Variants in TAF3 observed in about 807,000 individuals in gnomAD.
TAF3 encodes the protein TATA-box binding protein associated factor 3, also known as transcription initiation factor TFIID subunit 3.
In TAF3, 7 loss-of-function variants were observed where a neutral mutation model predicts 80.6. That is an observed-to-expected ratio of 0.09 (90% confidence interval 0.05 to 0.16). The LOEUF is 0.16. Ranked by LOEUF, TAF3 falls within the 10% of genes least tolerant of loss-of-function variation. TAF3 has a pLI of 1.00. For synonymous variants in TAF3, 444 were observed against 446.1 expected, an observed-to-expected ratio of 1.00 and a Z score of 0.06; for missense variants, 921 against 1,140.2, an observed-to-expected ratio of 0.81 and a Z score of 2.77.
chr10:8,015,119 C>A lies in TAF3; in HGVS notation c.*368C>A, dbSNP rs1832092293. 5.9e-6 allele frequency: 1 copy of A among 168,116 alleles called. No individual in the cohort carries two copies. 10.4% of individuals were successfully genotyped at this position (168,116 alleles called of 1,614,324 possible). On this transcript the variant is annotated 3_prime_UTR_variant, in exon 7 of 7. Coordinates refer to ENST00000344293, the MANE Select transcript of TAF3 (RefSeq NM_031923.4). ...AGGTATTAGATGAGAAGATAATGTA[C>A]AAACTGCCTCAACTGTAATTTAAGG...
intron 2 of TAF3, among the ~76,000 whole-genome samples, chr10:7,852,468 G>T (rs1837037656): frequency 6.6e-6 from 1 of 152,072 alleles, no homozygotes; most frequent in African/African-American, 2.4e-5. Context: ...AAACTGCGTT[G>T]TTTGTCCTGT....
At chr10:7,863,590 C>A (rs1204564423) in intron 2 of TAF3, among the ~76,000 whole-genome samples, 33 of 120,586 alleles carry the variant, frequency 2.7e-4, no homozygotes, top group East Asian at 2.5e-4. Context: ...AGCCTGATGA[C>A]CAGAGCAAAA....
intron 2 of TAF3, among the ~76,000 whole-genome samples, chr10:7,933,692 C>G (rs892386723): frequency 6.6e-6 from 1 of 152,280 alleles, no homozygotes; most frequent in South Asian, 2.1e-4. Context: ...TCATAGGTCT[C>G]TAGTGATGAT....
chr10:7,842,535 A>T (rs1836928983), intron 2 of TAF3, among the ~76,000 whole-genome samples: 2 of 152,170 alleles, frequency 1.3e-5, no homozygotes, highest in Non-Finnish European at 2.9e-5. Context: ...GTTCTAAAAG[A>T]TTAAACAATA....
intron 2 of TAF3, among the ~76,000 whole-genome samples, chr10:7,881,057 G>A (rs1219810563): frequency 6.6e-6 from 1 of 152,076 alleles, no homozygotes; most frequent in Non-Finnish European, 1.5e-5. Flanking sequence ...GCACCATGGG[G>A]AAGCCCCGTC....
At chr10:7,846,022 A>G (rs940259480) in intron 2 of TAF3, among the ~76,000 whole-genome samples, 13 of 147,020 alleles carry the variant, frequency 8.8e-5, no homozygotes, top group South Asian at 2.2e-4. Context: ...GCAGTGGCGC[A>G]ATCTCGGCTC....
chr10:7,823,884 C>T (rs1182296636), intron 1 of TAF3, among the ~76,000 whole-genome samples: 3 of 151,568 alleles, frequency 2.0e-5, no homozygotes, highest in Non-Finnish European at 4.4e-5. Flanking sequence ...CCGCCCACCT[C>T]GGCCTCTCAG....
intron 2 of TAF3, among the ~76,000 whole-genome samples, chr10:7,876,802 C>G (rs1350498211): frequency 2.0e-5 from 3 of 152,148 alleles, no homozygotes; most frequent in Admixed American, 6.5e-5. Flanking sequence ...TCTATTAAAA[C>G]TATTTTTCCT....
At chr10:7,836,990 G>A (rs557139640) in intron 2 of TAF3, among the ~76,000 whole-genome samples, 1 of 152,230 alleles carries the variant, frequency 6.6e-6, no homozygotes, top group Non-Finnish European at 1.5e-5. Context: ...CACTTGGGAG[G>A]CCAAGGCAGG....
At chr10:7,847,226 C>CTT (rs1836980859) in intron 2 of TAF3, among the ~76,000 whole-genome samples, 2 of 152,100 alleles carry the variant, frequency 1.3e-5, no homozygotes, top group Admixed American at 1.3e-4. Context: ...TCTAGGATGA[C>CTT]ATCTGATAAT....
intron 2 of TAF3, among the ~76,000 whole-genome samples, chr10:7,863,620 A>ATAT (rs1172977310): frequency 1.4e-5 from 1 of 70,474 alleles, no homozygotes; most frequent in Non-Finnish European, 2.8e-5. Context: ...AAAAAAAAAA[A>ATAT]AAAAAAATAT....
intron 1 of TAF3, among the ~76,000 whole-genome samples, chr10:7,823,616 A>G (rs1415723450): frequency 6.6e-6 from 1 of 151,182 alleles, no homozygotes. Flanking sequence ...AGCCTGGGCA[A>G]CAAGCAAGAT....
chr10:7,832,022 G>C (rs1045015874), intron 2 of TAF3, among the ~76,000 whole-genome samples: 1 of 152,030 alleles, frequency 6.6e-6, no homozygotes, highest in African/African-American at 2.4e-5. Context: ...CACCTCAAAT[G>C]CCTATCGTTT....
At chr10:7,910,232 C>T (rs993339625) in intron 2 of TAF3, among the ~76,000 whole-genome samples, 9 of 152,102 alleles carry the variant, frequency 5.9e-5, no homozygotes, top group Admixed American at 5.2e-4. Flanking sequence ...TATTTGTAAA[C>T]ACTGACATTT....
chr10:7,898,692 G>C (rs887700107), intron 2 of TAF3, among the ~76,000 whole-genome samples: 1 of 152,036 alleles, frequency 6.6e-6, no homozygotes. Context: ...CTGTGCAAAA[G>C]CAGAAAGAAA....
chr10:7,958,018 A>T (rs1455416735), intron 2 of TAF3, among the ~76,000 whole-genome samples: 24 of 152,198 alleles, frequency 1.6e-4, no homozygotes, highest in Non-Finnish European at 1.5e-5. Flanking sequence ...AGTGTAGGAA[A>T]ATATTTTTAA....
At chr10:7,824,253 A>G (rs187273267) in intron 1 of TAF3, 65 bp from the exon 2 acceptor site, 15 of 1,536,104 alleles carry the variant, frequency 9.8e-6, no homozygotes, top group Non-Finnish European at 1.3e-5. Context: ...ACTTTTTCTT[A>G]ATATTTAAAA....
At chr10:7,871,435 C>CTTTTTGTTTTTTTTTTTTTTTT (rs1837263999) in intron 2 of TAF3, among the ~76,000 whole-genome samples, 1 of 69,116 alleles carries the variant, frequency 1.4e-5, no homozygotes, top group Non-Finnish European at 2.9e-5. Context: ...ATAACTGCTG[C>CTTTTTGTTTTTTTTTTTTTTTT]TTTTTTTTTT....
intron 2 of TAF3, among the ~76,000 whole-genome samples, chr10:7,898,849 A>G (rs1393371917): frequency 6.6e-6 from 1 of 151,794 alleles, no homozygotes; most frequent in Non-Finnish European, 1.5e-5. Context: ...ATGATCTCAA[A>G]TGTTGTGGAT....
Sources: allele counts gnomAD v4.1 joint callset (sites outside exome capture counted in the v4.1 genomes callset), GRCh38; gene constraint gnomAD v4.1.1; transcripts MANE v1.5; gene names NCBI Gene and HGNC (gene_info 2026-07-23, HGNC 2026-07-21).